CD38: variants seen among roughly 807,000 people sequenced by gnomAD.
CD38 encodes CD38 molecule, also known as ADP-ribosyl cyclase/cyclic ADP-ribose hydrolase 1.
CD38 carries 31 observed loss-of-function variants against 36.3 expected under a neutral mutation model. The observed-to-expected ratio is 0.85, with a 90% CI of 0.64 to 1.15. The LOEUF is 1.15. CD38 is among the 50% of genes most tolerant of loss of function. CD38 has a pLI of 0.00. For synonymous variants in CD38, 131 were observed against 135.2 expected, an observed-to-expected ratio of 0.97 and a Z score of 0.22; for missense variants, 380 against 371.9, an observed-to-expected ratio of 1.02 and a Z score of -0.18.
chr4:15,781,098 C>A (rs1185052222), intron 1 of CD38, among the ~76,000 whole-genome samples: 3 of 152,112 alleles, frequency 2.0e-5, no homozygotes, highest in African/African-American at 7.2e-5. Context: ...CGTCTCAAAA[C>A]CAAACCAAAC....
intron 1 of CD38, among the ~76,000 whole-genome samples, chr4:15,803,242 C>G (rs1268916107): frequency 6.6e-6 from 1 of 152,088 alleles, no homozygotes; most frequent in Non-Finnish European, 1.5e-5. Flanking sequence ...ATGGATAAGA[C>G]CTCCAAAACA....
At chr4:15,801,726 T>C (rs1455434793) in intron 1 of CD38, among the ~76,000 whole-genome samples, 3 of 152,152 alleles carry the variant, frequency 2.0e-5, no homozygotes, top group East Asian at 1.9e-4. Context: ...AGAAAAACAG[T>C]TGATAAAATT....
intron 1 of CD38, among the ~76,000 whole-genome samples, chr4:15,789,346 A>C (rs1722906629): frequency 6.6e-6 from 1 of 152,208 alleles, no homozygotes; most frequent in Non-Finnish European, 1.5e-5. Flanking sequence ...GGAAAGTATT[A>C]AAAAGAGTGC....
chr4:15,794,857 A>G (rs765599952), intron 1 of CD38, among the ~76,000 whole-genome samples: 32 of 152,360 alleles, frequency 2.1e-4, no homozygotes, highest in Middle Eastern at 6.8e-3. Context: ...CACAAGCACG[A>G]ACATGTTTAT....
chr4:15,826,394 A>C (rs1298882117), intron 3 of CD38, among the ~76,000 whole-genome samples: 1 of 151,782 alleles, frequency 6.6e-6, no homozygotes, highest in Non-Finnish European at 1.5e-5. Flanking sequence ...AATCCTATTA[A>C]TGGATATTAA....
At chr4:15,813,696 G>A (rs1723523318) in intron 1 of CD38, among the ~76,000 whole-genome samples, 1 of 152,134 alleles carries the variant, frequency 6.6e-6, no homozygotes, top group South Asian at 2.1e-4. Context: ...AGAAGACGTG[G>A]TGTCTGGTTT....
At chr4:15,836,470 T>C (rs891341180) in intron 4 of CD38, among the ~76,000 whole-genome samples, 4 of 152,220 alleles carry the variant, frequency 2.6e-5, no homozygotes, top group Admixed American at 6.5e-5. Flanking sequence ...ATTCAAATCA[T>C]AGCAGCATAT....
rs1560303841 is a variant in CD38, at chr4:15,780,536, A to ACACACACACACACACACG, written c.233+1906_233+1907insGCACACACACACACACAC. On this transcript the variant is annotated intron_variant, in intron 1 of 7. Coordinates refer to ENST00000226279, the MANE Select transcript of CD38 (RefSeq NM_001775.4). ...CTCTCTCTCACACACACACACACAC[A>ACACACACACACACACACG]CACACACACACACACACACACACAC... Among the ~76,000 whole-genome samples the ACACACACACACACACACG allele has an allele frequency of 1.2e-3, 172 of 148,798 alleles. 1 individual carries two copies. Among genetic ancestry groups the ACACACACACACACACACG allele is most frequent in the African/African-American group, 3.9e-3 (155 of 39,934 alleles).
At chr4:15,780,050 T>G (rs913525584) in intron 1 of CD38, among the ~76,000 whole-genome samples, 3 of 152,220 alleles carry the variant, frequency 2.0e-5, no homozygotes, top group African/African-American at 7.2e-5. Context: ...AAGTTCTCAC[T>G]CATGAAATTT....
intron 1 of CD38, among the ~76,000 whole-genome samples, chr4:15,804,768 G>A (rs775633653): frequency 2.0e-5 from 3 of 152,176 alleles, no homozygotes; most frequent in Non-Finnish European, 2.9e-5. Flanking sequence ...AAGCTGAGAA[G>A]GGTAGGGAGA....
At chr4:15,784,643 A>C (rs969360174) in intron 1 of CD38, among the ~76,000 whole-genome samples, 2 of 152,148 alleles carry the variant, frequency 1.3e-5, no homozygotes, top group Non-Finnish European at 2.9e-5. Context: ...CAGTGTCCTC[A>C]CTGAGACCAT....
In CD38 at chr4:15,852,070, G is replaced by A. The variant is rs1005081863; in HGVS notation, c.*3468G>A. On this transcript the variant is annotated 3_prime_UTR_variant, in exon 8 of 8. Coordinates refer to ENST00000226279, the MANE Select transcript of CD38 (RefSeq NM_001775.4). ...ATCATTGGCTGAAAAGTGGTTATGC[G>A]ACACATGACTGTATATATACTTTCC... 1.3e-5 allele frequency: 2 copies of A among 152,166 alleles called. No homozygotes were observed. Among genetic ancestry groups the A allele is most frequent in the African/African-American group, 2.4e-5 (1 of 41,436 alleles). 9.4% of individuals were successfully genotyped at this position (152,166 alleles called of 1,614,324 possible). A position where few individuals can be genotyped will look rare whatever the true frequency, so the allele number is the denominator to read the frequency against.
At chr4:15,813,610 G>A (rs1392720775) in intron 1 of CD38, among the ~76,000 whole-genome samples, 1 of 150,908 alleles carries the variant, frequency 6.6e-6, no homozygotes, top group Non-Finnish European at 1.5e-5. Context: ...CCCCACCCCC[G>A]CCGACAGGCC....
chr4:15,786,789 G>T (rs1258900646), intron 1 of CD38, among the ~76,000 whole-genome samples: 1 of 152,224 alleles, frequency 6.6e-6, no homozygotes, highest in Admixed American at 6.5e-5. Context: ...CGCGGTGCTC[G>T]TCGGGGAGGC....
At chr4:15,806,690 C>T (rs537819092) in intron 1 of CD38, among the ~76,000 whole-genome samples, 1 of 151,922 alleles carries the variant, frequency 6.6e-6, no homozygotes, top group Non-Finnish European at 1.5e-5. Context: ...ATGTACAGGG[C>T]GATAGGGTGA....
chr4:15,821,703 A>G (rs1363487236), intron 2 of CD38, among the ~76,000 whole-genome samples: 1 of 151,348 alleles, frequency 6.6e-6, no homozygotes, highest in African/African-American at 2.4e-5. Flanking sequence ...CCAAAAAAAA[A>G]AAAAAAAAAG....
chr4:15,784,837 G>A (rs2148913445), intron 1 of CD38, among the ~76,000 whole-genome samples: 1 of 152,172 alleles, frequency 6.6e-6, no homozygotes, highest in East Asian at 1.9e-4. Context: ...GTGGGTGGAT[G>A]ACGAGGTCAG....
At chr4:15,816,777 G>A (rs775708023) in intron 2 of CD38, 137 bp downstream of exon 2, 45 of 910,056 alleles carry the variant, frequency 4.9e-5, no homozygotes, top group African/African-American at 3.1e-4. Context: ...GGTAGGAATG[G>A]AATTTGCAGG....
chr4:15,852,063 G>C lies in CD38; in HGVS notation c.*3461G>C, dbSNP rs1724398320. ...TTGGGCCATCATTGGCTGAAAAGTG[G>C]TTATGCGACACATGACTGTATATAT... On this transcript the variant is annotated 3_prime_UTR_variant, in exon 8 of 8. Transcript: ENST00000226279. 1 of 152,194 alleles carries C rather than the reference G, an allele frequency of 6.6e-6. No homozygotes were observed. Among genetic ancestry groups the C allele is most frequent in the Admixed American group, 6.5e-5 (1 of 15,280 alleles). The allele number at this position is 152,194 out of a possible 1,614,324, so 9.4% of individuals were successfully genotyped here.
Sources: allele counts gnomAD v4.1 joint callset (sites outside exome capture counted in the v4.1 genomes callset), GRCh38; gene constraint gnomAD v4.1.1; transcripts MANE v1.5; gene names NCBI Gene and HGNC (gene_info 2026-07-23, HGNC 2026-07-21).